The following FOXP1 variants were observed in gnomAD, a reference collection of about 807,000 sequenced individuals.
FOXP1 encodes forkhead box protein P1.
A neutral mutation model predicts 98.2 loss-of-function variants in FOXP1; 15 were observed. The observed-to-expected ratio is 0.15, with a 90% CI of 0.10 to 0.24. The LOEUF is 0.24. Among genes scored for constraint, FOXP1 ranks in the 10% least tolerant of loss-of-function variants. FOXP1 has a pLI of 1.00. For synonymous variants in FOXP1, 371 were observed against 314.5 expected, an observed-to-expected ratio of 1.18 and a Z score of -1.90; for missense variants, 633 against 848.5, an observed-to-expected ratio of 0.75 and a Z score of 3.15.
At chr3:71,117,805 CACTGGATA>C (rs1430699135) in intron 6 of FOXP1, among the ~76,000 whole-genome samples, 1 of 152,100 alleles carries the variant, frequency 6.6e-6, no homozygotes, top group Non-Finnish European at 1.5e-5. Flanking sequence ...AATTGCCTGG[CACTGGATA>C]ACCTGGTGCT....
intron 3 of FOXP1, among the ~76,000 whole-genome samples, chr3:71,380,129 G>A (rs1016253934): frequency 6.6e-6 from 1 of 152,182 alleles, no homozygotes; most frequent in Non-Finnish European, 1.5e-5. Context: ...GGCAGGCAGG[G>A]AGGAGTTGGG....
At chr3:71,508,319 G>C (rs1177026625) in intron 2 of FOXP1, among the ~76,000 whole-genome samples, 1 of 152,092 alleles carries the variant, frequency 6.6e-6, no homozygotes, top group African/African-American at 2.4e-5. Flanking sequence ...GGAAATTTGG[G>C]GGACAAAGTA....
intron 2 of FOXP1, among the ~76,000 whole-genome samples, chr3:71,522,702 G>A (rs769833940): frequency 2.6e-5 from 4 of 152,128 alleles, no homozygotes. Context: ...ATCATGCACT[G>A]ATGTCATATT....
intron 12 of FOXP1, among the ~76,000 whole-genome samples, chr3:71,012,004 G>T (rs1260672699): frequency 6.6e-6 from 1 of 152,026 alleles, no homozygotes; most frequent in Non-Finnish European, 1.5e-5. Context: ...CATAACAAAT[G>T]AACCTATGAT....
intron 6 of FOXP1, among the ~76,000 whole-genome samples, chr3:71,125,595 G>T (rs977749843): frequency 6.6e-6 from 1 of 152,152 alleles, no homozygotes; most frequent in Non-Finnish European, 1.5e-5. Flanking sequence ...AAAAAACTTT[G>T]GTCATCTGAT....
At chr3:71,228,144 C>T (rs1166136633) in intron 5 of FOXP1, among the ~76,000 whole-genome samples, 2 of 152,114 alleles carry the variant, frequency 1.3e-5, no homozygotes, top group East Asian at 1.9e-4. Flanking sequence ...CCTGTGGAGA[C>T]TGAGGTTTGA....
chr3:71,494,790 A>G (rs781070148), intron 2 of FOXP1, among the ~76,000 whole-genome samples: 6 of 152,070 alleles, frequency 3.9e-5, no homozygotes, highest in Non-Finnish European at 8.8e-5. Context: ...GATACTACCA[A>G]TCATGGACCA....
Position 70,956,586 on chromosome 3 carries a change from A to G in FOXP1, c.*2661T>C, listed in dbSNP as rs1043058181. On this transcript the variant is annotated 3_prime_UTR_variant, in exon 21 of 21. Coordinates refer to ENST00000649528, the MANE Select transcript of FOXP1 (RefSeq NM_001349338.3). ...GTTATCTTTACTCATGTCTAGCTAC[A>G]CATGCTGAGAATGAACTAATCTACC... 8.7e-6 allele frequency: 2 copies of G among 230,676 alleles called. No homozygotes were observed. The highest frequency in any genetic ancestry group is 5.7e-5 in the Admixed American group (1 of 17,648). The allele number at this position is 230,676 out of a possible 1,614,324, so 14.3% of individuals were successfully genotyped here. A position where few individuals can be genotyped will look rare whatever the true frequency, so the allele number is the denominator to read the frequency against.
At position 71,515,433 on chromosome 3, in the gene FOXP1, CAAAAAA is replaced by C. The variant is rs35322006; in HGVS notation, c.-297-21884_-297-21879del. Among the ~76,000 whole-genome samples the C allele has an allele frequency of 7.5e-3, 729 of 96,944 alleles. 4 individuals carry two copies. Among genetic ancestry groups the C allele is most frequent in the Non-Finnish European group, 0.012 (562 of 48,650 alleles). The allele number at this position is 96,944 out of a possible 152,430, so 63.6% of individuals were successfully genotyped here. Reference sequence around the variant, plus strand: ...TTCCCTTTGATCAAAATTTACACAGCAAAAAAAAAAAAAAAAAAAACTGCACATTTA... The same window carrying C: ...TTCCCTTTGATCAAAATTTACACAGCAAAAAAAAAAAAAACTGCACATTTA... On this transcript the variant is annotated intron_variant, in intron 2 of 20. Transcript: ENST00000649528.
At chr3:71,266,926 T>C (rs1020153777) in intron 5 of FOXP1, among the ~76,000 whole-genome samples, 10 of 152,216 alleles carry the variant, frequency 6.6e-5, no homozygotes, top group Non-Finnish European at 1.5e-4. Context: ...GCTGCAGTTT[T>C]GGACTTTCAA....
At chr3:71,221,555 T>C (rs1210189264) in intron 5 of FOXP1, among the ~76,000 whole-genome samples, 2 of 152,194 alleles carry the variant, frequency 1.3e-5, no homozygotes, top group East Asian at 3.9e-4. Context: ...ACTTTCTACA[T>C]TCACTCTGAA....
At chr3:71,194,462 T>C (rs1419099560) in intron 6 of FOXP1, among the ~76,000 whole-genome samples, 1 of 152,198 alleles carries the variant, frequency 6.6e-6, no homozygotes, top group Non-Finnish European at 1.5e-5. Context: ...GTAATATGCT[T>C]ATCTGAAAAA....
chr3:71,130,673 C>T, intron 6 of FOXP1: 2 of 1,589,178 alleles, frequency 1.3e-6, no homozygotes, highest in South Asian at 1.1e-5. Context: ...AGAGAAAACA[C>T]ACTGGAACAT....
chr3:71,348,548 T>TGTGTGTGTGC (rs752492060), intron 4 of FOXP1, among the ~76,000 whole-genome samples: 1 of 132,062 alleles, frequency 7.6e-6, no homozygotes, highest in African/African-American at 3.4e-5. Context: ...TGTGTGTGTG[T>TGTGTGTGTGC]GCGTGCGCGC....
chr3:71,538,834 G>A (rs1009721262), intron 2 of FOXP1, among the ~76,000 whole-genome samples: 3 of 151,984 alleles, frequency 2.0e-5, no homozygotes, highest in Non-Finnish European at 2.9e-5. Flanking sequence ...TAATACTTTC[G>A]GGTCTTCGAT....
intron 3 of FOXP1, among the ~76,000 whole-genome samples, chr3:71,442,425 G>A (rs2086021939): frequency 6.6e-6 from 1 of 151,762 alleles, no homozygotes; most frequent in South Asian, 2.1e-4. Context: ...AACACACAAG[G>A]AGACACCCAC....
At chr3:71,451,822 T>C (rs1227495520) in intron 3 of FOXP1, among the ~76,000 whole-genome samples, 2 of 152,112 alleles carry the variant, frequency 1.3e-5, no homozygotes, top group Admixed American at 1.3e-4. Flanking sequence ...TGGGTCTCAT[T>C]TGTGTAGGTG....
intron 3 of FOXP1, among the ~76,000 whole-genome samples, chr3:71,396,131 G>A (rs2081354930): frequency 6.6e-6 from 1 of 152,164 alleles, no homozygotes; most frequent in South Asian, 2.1e-4. Flanking sequence ...GCTGAGTCAA[G>A]TCTTAGAGTT....
Position 70,956,945 on chromosome 3 carries a change from TAAAAAC to T in FOXP1, c.*2296_*2301del, listed in dbSNP as rs1017080499. The stretch of plus-strand genomic sequence containing the variant: ...TCGGAAAAAAAGGAAAAATTAAAAA[TAAAAAC>T]AAACTGAAGGATATATGCCAAGATA... On this transcript the variant is annotated 3_prime_UTR_variant, in exon 21 of 21. Transcript: ENST00000649528. 4 of 216,162 alleles carry T rather than the reference TAAAAAC, an allele frequency of 1.9e-5. No homozygotes were observed. The highest frequency in any genetic ancestry group is 9.0e-5 in the African/African-American group (4 of 44,334). The allele number at this position is 216,162 out of a possible 1,614,324, so 13.4% of individuals were successfully genotyped here. A position where few individuals can be genotyped will look rare whatever the true frequency, so the allele number is the denominator to read the frequency against.
Sources: gnomAD v4.1 joint callset for allele counts (sites outside exome capture counted in the v4.1 genomes callset) on GRCh38, gnomAD v4.1.1 for gene constraint, MANE v1.5 for transcripts, NCBI Gene and HGNC (gene_info 2026-07-23, HGNC 2026-07-21) for gene names.